SHMT1: variants seen among roughly 807,000 people sequenced by gnomAD.
SHMT1 encodes serine hydroxymethyltransferase 1, also known as serine hydroxymethyltransferase, cytosolic.
A neutral mutation model predicts 49.0 loss-of-function variants in SHMT1; 45 were observed. The ratio of observed to expected loss-of-function variants is 0.92; its 90% CI spans 0.72 to 1.18. The LOEUF (loss-of-function observed/expected upper bound fraction) is 1.18. Ranked by LOEUF, SHMT1 falls within the 50% of genes most tolerant of loss-of-function variation. The pLI, the probability that SHMT1 is intolerant of heterozygous loss-of-function variation, is 0.00. For missense variants in SHMT1, 541 were observed against 612.4 expected (o/e 0.88, Z 1.23); for synonymous variants, 232 against 246.6 (o/e 0.94, Z 0.55).
intron 3 of SHMT1, 42 bp from the exon 4 acceptor site, chr17:18,348,482 G>A: frequency 7.0e-7 from 1 of 1,428,992 alleles, no homozygotes; most frequent in Non-Finnish European, 9.9e-7. Flanking sequence ...CTCAGACCCA[G>A]AAAGTCTGTG....
intron 3 of SHMT1, 36 bp from the exon 4 acceptor site, chr17:18,348,476 G>C: frequency 6.8e-7 from 1 of 1,471,876 alleles, no homozygotes; most frequent in Non-Finnish European, 9.5e-7. Flanking sequence ...GATCCACTCA[G>C]ACCCAGAAAG....
At chr17:18,360,055 C>T (rs566289613) in intron 1 of SHMT1, among the ~76,000 whole-genome samples, 1 of 152,228 alleles carries the variant, frequency 6.6e-6, no homozygotes, top group Admixed American at 6.5e-5. Context: ...CGAGACCAGC[C>T]TGGCCAACAC....
At chr17:18,335,791 G>A in intron 7 of SHMT1, 116 bp from the exon 8 acceptor site, 1 of 811,724 alleles carries the variant, frequency 1.2e-6, no homozygotes, top group Non-Finnish European at 2.2e-6. Flanking sequence ...CTTTATCCTG[G>A]CATGGAGAAC....
chr17:18,328,443 C>G lies in SHMT1; in HGVS notation c.*307G>C. On this transcript the variant is annotated 3_prime_UTR_variant, in exon 12 of 12. Coordinates refer to ENST00000316694, the MANE Select transcript of SHMT1 (RefSeq NM_004169.5). ...ATCTTTCTAACAGCTTTGCCCTACA[C>G]CACCATCTAAATGATTATGACCAAG... is the stretch of plus-strand genomic sequence containing the variant. 1 of 406,374 alleles carries G rather than the reference C, an allele frequency of 2.5e-6. No individual in the cohort carries two copies. Among genetic ancestry groups the G allele is most frequent in the Non-Finnish European group, 4.6e-6 (1 of 216,538 alleles). The allele number at this position is 406,374 out of a possible 1,614,324, so 25.2% of individuals were successfully genotyped here.
chr17:18,335,460 G>T, intron 8 of SHMT1, 99 bp downstream of exon 8: 1 of 829,808 alleles, frequency 1.2e-6, no homozygotes, highest in Non-Finnish European at 2.1e-6. Flanking sequence ...CAGCCCTCCA[G>T]CTTTTTCCCC....
chr17:18,327,905 A>C lies in SHMT1; in HGVS notation c.*845T>G, dbSNP rs570374419. ...TAAGAAATTAATTTATTTGAGTTCA[A>C]ATATTTTTGAAATATAAAAATTGGT... is the stretch of plus-strand genomic sequence containing the variant. On this transcript the variant is annotated 3_prime_UTR_variant, in exon 12 of 12. Coordinates refer to ENST00000316694, the MANE Select transcript of SHMT1 (RefSeq NM_004169.5). 1 of 152,652 alleles carries C rather than the reference A, an allele frequency of 6.6e-6. No individual in the cohort carries two copies. Among genetic ancestry groups the C allele is most frequent in the Non-Finnish European group, 1.5e-5 (1 of 68,046 alleles). The allele number at this position is 152,652 out of a possible 1,614,324, so 9.5% of individuals were successfully genotyped here.
rs1313471088 is a variant in SHMT1, at chr17:18,328,385, C to T, written c.*365G>A. On this transcript the variant is annotated 3_prime_UTR_variant, in exon 12 of 12. Coordinates refer to ENST00000316694, the MANE Select transcript of SHMT1 (RefSeq NM_004169.5). Reference sequence around the variant, plus strand: ...GCATTTCCTCTCTGTTGCAGCAAGGCGGAGGAAAGCCCAGGGAGAGTAAAA... The same window carrying T: ...GCATTTCCTCTCTGTTGCAGCAAGGTGGAGGAAAGCCCAGGGAGAGTAAAA... 3.3e-6 allele frequency: 1 copy of T among 304,744 alleles called. No individual in the cohort carries two copies. The highest frequency in any genetic ancestry group is 6.4e-6 in the Non-Finnish European group (1 of 156,982). 18.9% of individuals were successfully genotyped at this position (304,744 alleles called of 1,614,324 possible). A position where few individuals can be genotyped will look rare whatever the true frequency, so the allele number is the denominator to read the frequency against.
chr17:18,336,302 A>T (rs1220113309), intron 7 of SHMT1, among the ~76,000 whole-genome samples: 5 of 151,340 alleles, frequency 3.3e-5, no homozygotes, highest in African/African-American at 1.2e-4. Flanking sequence ...AAAAAAAAGG[A>T]CAGAAATTTC....
At chr17:18,360,808 G>A (rs1270726042) in intron 1 of SHMT1, among the ~76,000 whole-genome samples, 1 of 152,006 alleles carries the variant, frequency 6.6e-6, no homozygotes, top group Admixed American at 6.6e-5. Flanking sequence ...TGAAGTCTGG[G>A]GAGTCACAGG....
At chr17:18,330,141 G>A (rs1983035676) in intron 10 of SHMT1, among the ~76,000 whole-genome samples, 1 of 136,286 alleles carries the variant, frequency 7.3e-6, no homozygotes, top group Admixed American at 7.3e-5. Flanking sequence ...ACCTGGCCCA[G>A]TTTTTTTTTT....
intron 8 of SHMT1, among the ~76,000 whole-genome samples, chr17:18,334,742 C>T (rs1260617791): frequency 6.6e-6 from 1 of 152,184 alleles, no homozygotes; most frequent in East Asian, 1.9e-4. Context: ...CCAATCAATA[C>T]TTGTGAAAAC....
chr17:18,347,766 G>A (rs1332526402), intron 4 of SHMT1, 110 bp from the exon 5 acceptor site: 2 of 1,205,362 alleles, frequency 1.7e-6, no homozygotes, highest in African/African-American at 1.5e-5. Context: ...AACAGGCCTT[G>A]TACCTTCCCT....
intron 3 of SHMT1, among the ~76,000 whole-genome samples, chr17:18,352,944 C>A (rs1212645660): frequency 2.6e-5 from 4 of 152,136 alleles, no homozygotes; most frequent in Admixed American, 2.0e-4. Context: ...CTGGTGAATT[C>A]TTTAAGGCAC....
rs777576792 is a variant in SHMT1 at position 18,355,934 on chromosome 17, G to A, written c.48C>T (p.Ser16=). Residue 16 remains serine (S), a synonymous_variant, in exon 2 of 12, where the codon TCC becomes TCT. Coordinates refer to ENST00000316694, the MANE Select transcript of SHMT1 (RefSeq NM_004169.5). ...GTTGTGCCAGCATCTTGTCATGTGA[G>A]GACCACAGGTCAGCATCCTTGTGGG... The part of the protein sequence containing the change: ...NGAHKDADLW[S]SHDKMLAQPL... 8 of 1,613,950 alleles carry A rather than the reference G, an allele frequency of 5.0e-6. No homozygotes were observed. The African/African-American group carries it at 5.3e-5, about 11-fold the overall frequency.
chr17:18,358,532 CCA>C (rs1986467234), intron 1 of SHMT1, among the ~76,000 whole-genome samples: 1 of 152,204 alleles, frequency 6.6e-6, no homozygotes, highest in Admixed American at 6.6e-5. Context: ...AGAAAGTTAG[CCA>C]CAGAGGCAGG....
chr17:18,340,161 G>C lies in SHMT1; in HGVS notation c.696C>G (p.Ile232Met). Residue 232 changes from isoleucine to methionine, a missense_variant, in exon 7 of 12, where the codon ATC (isoleucine) becomes ATG (methionine). By Grantham distance (10) the Ile-to-Met change is conservative. Coordinates refer to ENST00000316694, the MANE Select transcript of SHMT1 (RefSeq NM_004169.5). This position sits in a 1 kb window ranked among gnomAD's most constrained non-coding sequence, Gnocchi z 4.5. ...GAYLMADMAH[I>M]SGLVAAGVVP... Reference sequence around the variant, plus strand: ...CCACGCCAGCCGCCACCAGCCCGCTGATGTGAGCCATGTCCGCCATGAGAT... The same window carrying C: ...CCACGCCAGCCGCCACCAGCCCGCTCATGTGAGCCATGTCCGCCATGAGAT... 6.2e-7 allele frequency: 1 copy of C among 1,614,198 alleles called. No homozygotes were observed. Among genetic ancestry groups the C allele is most frequent in the Non-Finnish European group, 8.5e-7 (1 of 1,180,042 alleles).
chr17:18,351,133 CTTTTA>C (rs1464113760), intron 3 of SHMT1, among the ~76,000 whole-genome samples: 3 of 151,110 alleles, frequency 2.0e-5, no homozygotes, highest in Admixed American at 1.3e-4. Context: ...TAATAATTAC[CTTTTA>C]TTTTTATTTT....
intron 5 of SHMT1, among the ~76,000 whole-genome samples, chr17:18,342,770 T>C (rs551233049): frequency 6.6e-6 from 1 of 151,686 alleles, no homozygotes; most frequent in African/African-American, 2.4e-5. Context: ...ACCCCGTCTC[T>C]ACTAAACATT....
chr17:18,349,323 G>T (rs954847876), intron 3 of SHMT1, among the ~76,000 whole-genome samples: 1 of 152,058 alleles, frequency 6.6e-6, no homozygotes, highest in African/African-American at 2.4e-5. Flanking sequence ...GGGAGGCTGA[G>T]GCAGGAGAAT....
Sources: allele counts gnomAD v4.1 joint callset (sites outside exome capture counted in the v4.1 genomes callset), GRCh38; gene constraint gnomAD v4.1.1; non-coding constraint Gnocchi (gnomAD v3.1); transcripts MANE v1.5; gene names NCBI Gene and HGNC (gene_info 2026-07-23, HGNC 2026-07-21).